The following TTF2 variants were observed in gnomAD, a reference collection of about 807,000 sequenced individuals.
TTF2 encodes transcription termination factor 2, also known as RNA polymerase II termination factor.
A neutral mutation model predicts 142.4 loss-of-function variants in TTF2; 108 were observed. The observed-to-expected ratio is 0.76, with a 90% CI of 0.65 to 0.89. The LOEUF (loss-of-function observed/expected upper bound fraction) is 0.89. TTF2 is among the 40% of genes least tolerant of loss of function. TTF2 has a pLI of 0.00. For missense variants in TTF2, 1,327 were observed against 1,379.8 expected (o/e 0.96, Z 0.61); for synonymous variants, 483 against 506.2 (o/e 0.95, Z 0.61).
In TTF2 at chr1:117,076,497, A is replaced by T; in HGVS notation, c.1391-144A>T. Reference sequence around the variant, plus strand: ...GACTCTACTTTCTTCCCCATTGTTTAAGCAACTGTTAAAATGCTACCTTCT... The same window carrying T: ...GACTCTACTTTCTTCCCCATTGTTTTAGCAACTGTTAAAATGCTACCTTCT... On this transcript the variant is annotated intron_variant, in intron 6 of 22. Transcript: ENST00000369466. This position sits in a 1 kb window ranked among gnomAD's most constrained non-coding sequence, Gnocchi z 4.6. The T allele has an allele frequency of 9.5e-7, 1 of 1,057,790 alleles. No homozygotes were observed. The highest frequency in any genetic ancestry group is 1.3e-6 in the Non-Finnish European group (1 of 741,446). 65.5% of individuals were successfully genotyped at this position (1,057,790 alleles called of 1,614,324 possible).
intron 3 of TTF2, among the ~76,000 whole-genome samples, chr1:117,072,584 C>G (rs370515627): frequency 6.6e-6 from 1 of 151,888 alleles, no homozygotes; most frequent in African/African-American, 2.4e-5. Flanking sequence ...GCCACCACGC[C>G]GGGCTAATTT....
intron 20 of TTF2, 144 bp downstream of exon 20, chr1:117,096,443 T>A (rs771759119): frequency 5.0e-5 from 53 of 1,058,174 alleles, no homozygotes; most frequent in Non-Finnish European, 7.0e-5. Context: ...AATAGTGCTA[T>A]CTTGGCTCAC....
rs1656973301 is a variant in TTF2 at position 117,075,931 on chromosome 1, G to T, written c.1275+72G>T. 7 of 1,517,440 alleles carry T rather than the reference G, an allele frequency of 4.6e-6. No individual in the cohort carries two copies. Among genetic ancestry groups the T allele is most frequent in the Non-Finnish European group, 6.1e-6 (7 of 1,139,874 alleles). 94.0% of individuals were successfully genotyped at this position (1,517,440 alleles called of 1,614,324 possible). On this transcript the variant is annotated intron_variant, in intron 5 of 22. Transcript: ENST00000369466. This position sits in a 1 kb window ranked among gnomAD's most constrained non-coding sequence, Gnocchi z 4.5. ...TTATGGGCAGATATGAGATCTCATT[G>T]CTACAGAAGGGTTAAATATGTTCAT...
chr1:117,063,776 C>G lies in TTF2; in HGVS notation c.218+1303C>G, dbSNP rs1470984655. ...CCCTGTAGACTTTATCCAGTTTCCC[C>G]CAATGGTAACGTTTGCAAGGCTTAG... On this transcript the variant is annotated intron_variant, in intron 3 of 22. Coordinates refer to ENST00000369466, the MANE Select transcript of TTF2 (RefSeq NM_003594.4). The surrounding 1 kb of genome is among the most constrained non-coding windows in gnomAD (Gnocchi z 4.1). Among the ~76,000 whole-genome samples, 3 of 152,166 alleles carry G rather than the reference C, an allele frequency of 2.0e-5. No homozygotes were observed. The highest frequency in any genetic ancestry group is 2.0e-4 in the Admixed American group (3 of 15,278).
In TTF2 at chr1:117,070,284, C is replaced by G. The variant is rs1019615561; in HGVS notation, c.219-3377C>G. ...TGAGAAATGCGTCATTAGGAGATTT[C>G]ATTTTTGTGTGAACGTCACTGTGTG... On this transcript the variant is annotated intron_variant, in intron 3 of 22. Coordinates refer to ENST00000369466, the MANE Select transcript of TTF2 (RefSeq NM_003594.4). This position sits in a 1 kb window ranked among gnomAD's most constrained non-coding sequence, Gnocchi z 4.2. 1.3e-5 allele frequency among the ~76,000 whole-genome samples: 2 copies of G among 152,244 alleles called. No individual in the cohort carries two copies. The highest frequency in any genetic ancestry group is 2.9e-5 in the Non-Finnish European group (2 of 68,042).
chr1:117,097,949 C>T lies in TTF2; in HGVS notation c.3269+516C>T, dbSNP rs1649302162. Among the ~76,000 whole-genome samples, 1 of 152,154 alleles carries T rather than the reference C, an allele frequency of 6.6e-6. No individual in the cohort carries two copies. Among genetic ancestry groups the T allele is most frequent in the Admixed American group, 6.5e-5 (1 of 15,282 alleles). ...AGGAGTACAACCACATCTTTCGTGGCTACAGAATGAATGAGTTAGTGTGTT... is the reference window on the plus strand; with the variant it reads ...AGGAGTACAACCACATCTTTCGTGGTTACAGAATGAATGAGTTAGTGTGTT... On this transcript the variant is annotated intron_variant, in intron 21 of 22. Coordinates refer to ENST00000369466, the MANE Select transcript of TTF2 (RefSeq NM_003594.4). This position sits in a 1 kb window ranked among gnomAD's most constrained non-coding sequence, Gnocchi z 4.1.
At chr1:117,072,665 C>T (rs1021710773) in intron 3 of TTF2, among the ~76,000 whole-genome samples, 10 of 152,044 alleles carry the variant, frequency 6.6e-5, no homozygotes, top group East Asian at 1.9e-4. Context: ...TCTCGTGATC[C>T]GCCCACCTCA....
rs999928985 is a variant in TTF2 at position 117,106,747 on chromosome 1, A to C, written c.*5223A>C. The C allele has an allele frequency of 2.2e-4, 33 of 152,254 alleles. No homozygotes were observed. Among genetic ancestry groups the C allele is most frequent in the African/African-American group, 7.5e-4 (31 of 41,476 alleles). The allele number at this position is 152,254 out of a possible 1,614,324, so 9.4% of individuals were successfully genotyped here. A position where few individuals can be genotyped will look rare whatever the true frequency, so the allele number is the denominator to read the frequency against. On this transcript the variant is annotated 3_prime_UTR_variant, in exon 23 of 23. Transcript: ENST00000369466. ...ATCAATATGTAAGAGCTCACAAGTC[A>C]GAGTGAGATGTTTCTTCCTATACTG... is the stretch of plus-strand genomic sequence containing the variant.
Position 117,100,487 on chromosome 1 carries a change from T to C in TTF2, c.3345-893T>C, listed in dbSNP as rs758786762. ...ATTCTTCAGTAGCTCTCACCTCCTA[T>C]AGGATCAAATCAAAATGTCTTAGCA... On this transcript the variant is annotated intron_variant, in intron 22 of 22. Transcript: ENST00000369466. The surrounding 1 kb of genome is among the most constrained non-coding windows in gnomAD (Gnocchi z 4.6). 2.0e-5 allele frequency among the ~76,000 whole-genome samples: 3 copies of C among 152,142 alleles called. No individual in the cohort carries two copies. Among genetic ancestry groups the C allele is most frequent in the Non-Finnish European group, 4.4e-5 (3 of 68,026 alleles).
chr1:117,095,236 C>T (rs887106185), intron 18 of TTF2, 73 bp from the exon 19 acceptor site: 118 of 1,451,370 alleles, frequency 8.1e-5, no homozygotes, highest in South Asian at 4.6e-5. Context: ...GAGGCTGCTT[C>T]GCATGGCAGG....
At position 117,088,840 on chromosome 1, in the gene TTF2, A is replaced by G. The variant is rs1648276140; in HGVS notation, c.2200A>G (p.Ile734Val). The G allele has an allele frequency of 6.2e-7, 1 of 1,613,966 alleles. No individual in the cohort carries two copies. Among genetic ancestry groups the G allele is most frequent in the Non-Finnish European group, 8.5e-7 (1 of 1,179,994 alleles). Reference protein sequence around the residue: ...TPLLRIAWARIILDEAHNVKN... With the variant: ...TPLLRIAWARVILDEAHNVKN... ...TTTGCTTCGAATAGCCTGGGCTCGA[A>G]TCATATTGGATGAAGCTCACAATGT... The change falls in exon 13 of 23, where the codon ATC becomes GTC. Residue 734 changes from isoleucine (I) to valine (V), a missense_variant. Transcript: ENST00000369466.
chr1:117,060,718 C>T (rs1356412910), intron 2 of TTF2, among the ~76,000 whole-genome samples, 161 bp downstream of exon 2: 1 of 152,190 alleles, frequency 6.6e-6, no homozygotes. Flanking sequence ...GGCAGCGTGG[C>T]GTGTTCGGAA....
At chr1:117,065,635 A>G (rs944090977) in intron 3 of TTF2, among the ~76,000 whole-genome samples, 9 of 152,134 alleles carry the variant, frequency 5.9e-5, no homozygotes, top group African/African-American at 1.2e-4. Flanking sequence ...AATACTTTTC[A>G]TTACAGAGTT....
At position 117,088,839 on chromosome 1, in the gene TTF2, A is replaced by C. The variant is rs765013096; in HGVS notation, c.2199A>C (p.Arg733=). 24 of 1,613,998 alleles carry C rather than the reference A, an allele frequency of 1.5e-5. No homozygotes were observed. In the East Asian group the frequency reaches 5.1e-4, roughly 34 times the overall value. ...STPLLRIAWA[R]IILDEAHNVK... is the part of the protein sequence containing the mutation. ...CTTTGCTTCGAATAGCCTGGGCTCG[A>C]ATCATATTGGATGAAGCTCACAATG... The change falls in exon 13 of 23, where the codon CGA becomes CGC. Residue 733 remains arginine, a synonymous_variant. Coordinates refer to ENST00000369466, the MANE Select transcript of TTF2 (RefSeq NM_003594.4).
At chr1:117,068,273 T>A (rs1004339641) in intron 3 of TTF2, among the ~76,000 whole-genome samples, 9 of 152,088 alleles carry the variant, frequency 5.9e-5, no homozygotes, top group African/African-American at 2.2e-4. Context: ...GTGGTATCCT[T>A]CTGAGCAAAC....
Position 117,086,304 on chromosome 1 carries a change from TCTG to T in TTF2, c.2055-109_2055-107del. 4.4e-6 allele frequency: 3 copies of T among 688,194 alleles called. No individual in the cohort carries two copies. The South Asian group carries it at 5.2e-5, about 12-fold the overall frequency. The allele number at this position is 688,194 out of a possible 1,614,324, so 42.6% of individuals were successfully genotyped here. A position where few individuals can be genotyped will look rare whatever the true frequency, so the allele number is the denominator to read the frequency against. ...GTGTTAAGGACACAAGTTAATGAGT[TCTG>T]CTGTTTGTCCTTCCATTTGTAGGCA... On this transcript the variant is annotated intron_variant, in intron 11 of 22. Coordinates refer to ENST00000369466, the MANE Select transcript of TTF2 (RefSeq NM_003594.4). This position sits in a 1 kb window ranked among gnomAD's most constrained non-coding sequence, Gnocchi z 4.2.
intron 21 of TTF2, chr1:117,098,430 T>C (rs1369121350): frequency 6.5e-6 from 1 of 153,702 alleles, no homozygotes; most frequent in African/African-American, 2.4e-5. Context: ...CCCAAGGACA[T>C]CTAGCTACCT....
Position 117,075,980 on chromosome 1 carries a change from T to C in TTF2, c.1275+121T>C. 1 of 1,412,408 alleles carries C rather than the reference T, an allele frequency of 7.1e-7. No individual in the cohort carries two copies. Among genetic ancestry groups the C allele is most frequent in the South Asian group, 1.4e-5 (1 of 69,060 alleles). The allele number at this position is 1,412,408 out of a possible 1,614,324, so 87.5% of individuals were successfully genotyped here. ...ATGTGAAGGTTTTATAGGTGCATGT[T>C]CAGTTTCTGCCTTTTCCCCTATTTA... On this transcript the variant is annotated intron_variant, in intron 5 of 22. Coordinates refer to ENST00000369466, the MANE Select transcript of TTF2 (RefSeq NM_003594.4). The surrounding 1 kb of genome is among the most constrained non-coding windows in gnomAD (Gnocchi z 4.5).
At position 117,073,210 on chromosome 1, in the gene TTF2, C is replaced by T. The variant is rs1656734233; in HGVS notation, c.219-451C>T. 6.6e-6 allele frequency among the ~76,000 whole-genome samples: 1 copy of T among 152,074 alleles called. No homozygotes were observed. On this transcript the variant is annotated intron_variant, in intron 3 of 22. Transcript: ENST00000369466. The surrounding 1 kb of genome is among the most constrained non-coding windows in gnomAD (Gnocchi z 4.4). ...CGCCTTCTTCTGTTGTTTCTATTTC[C>T]TATAAATTGGTAATTGGATCTAGAG...
Sources: allele counts gnomAD v4.1 joint callset (sites outside exome capture counted in the v4.1 genomes callset), GRCh38; gene constraint gnomAD v4.1.1; non-coding constraint Gnocchi (gnomAD v3.1); transcripts MANE v1.5; gene names NCBI Gene and HGNC (gene_info 2026-07-23, HGNC 2026-07-21).